GRAMD4: variants seen among roughly 807,000 people sequenced by gnomAD.
The protein encoded by GRAMD4 is GRAM domain containing 4.
GRAMD4 carries 25 observed loss-of-function variants against 83.9 expected under a neutral mutation model. The observed-to-expected ratio is 0.30, with a 90% CI of 0.22 to 0.42. The LOEUF (loss-of-function observed/expected upper bound fraction) is 0.42, where lower values mean the gene tolerates loss of function less well. Ranked by LOEUF, GRAMD4 falls within the 10% of genes least tolerant of loss-of-function variation. GRAMD4 has a pLI of 1.00. For synonymous variants in GRAMD4, 336 were observed against 320.9 expected (o/e 1.05, Z -0.50); for missense variants, 593 against 788.7 (o/e 0.75, Z 2.97).
At chr22:46,580,664 C>T (rs1348273571) in intron 1 of GRAMD4, among the ~76,000 whole-genome samples, 2 of 152,104 alleles carry the variant, frequency 1.3e-5, no homozygotes, top group East Asian at 1.9e-4. Context: ...ACAGAGGTGG[C>T]GCAAGAAAAT....
intron 1 of GRAMD4, among the ~76,000 whole-genome samples, chr22:46,595,248 G>A (rs1047831418): frequency 6.6e-6 from 1 of 152,198 alleles, no homozygotes; most frequent in African/African-American, 2.4e-5. Context: ...GCGACGCAGC[G>A]GGTCTGCACG....
chr22:46,678,108 G>C lies in GRAMD4; in HGVS notation c.*857G>C. On this transcript the variant is annotated 3_prime_UTR_variant, in exon 19 of 19. Transcript: ENST00000406902. ...CTTTGGAAGGCCCAGGAGAACATCC[G>C]CGAAGGCTGTTGGAGGTGCTCCGAG... The C allele has an allele frequency of 1.0e-6, 1 of 985,600 alleles. No homozygotes were observed. The highest frequency in any genetic ancestry group is 1.2e-6 in the Non-Finnish European group (1 of 830,036). The allele number at this position is 985,600 out of a possible 1,614,324, so 61.1% of individuals were successfully genotyped here.
At chr22:46,666,909 G>A (rs372104748) in intron 10 of GRAMD4, 36 bp downstream of exon 10, 4 of 1,472,760 alleles carry the variant, frequency 2.7e-6, no homozygotes, top group Non-Finnish European at 3.7e-6. Context: ...TCCTCCGACT[G>A]TCTCCATCAC....
chr22:46,648,437 A>ATGGATGGATGGATGGATGAG (rs2082103814), intron 3 of GRAMD4, among the ~76,000 whole-genome samples: 2 of 147,340 alleles, frequency 1.4e-5, no homozygotes, highest in Non-Finnish European at 3.0e-5. Flanking sequence ...GGGTGGATGG[A>ATGGATGGATGGATGGATGAG]TGGATGGATG....
rs1157092784 is a variant in GRAMD4, at chr22:46,658,255, C to T, written c.352C>T (p.Arg118Trp). Residue 118 changes from arginine to tryptophan, a missense_variant, in exon 4 of 19, where the codon CGG (arginine) becomes TGG (tryptophan). By Grantham distance (101) the Arg-to-Trp change is moderately radical. This residue lies in a region of GRAMD4 where 312 missense variants were observed against 350.7 expected (regional missense o/e 0.89). Transcript: ENST00000406902. ...EMLRQELDRE[R>W]QRRMELEQKV... The stretch of plus-strand genomic sequence containing the variant: ...GCTGCGGCAGGAGCTGGACCGCGAG[C>T]GGCAGCGGCGGATGGAGCTGGAGCA... The T allele has an allele frequency of 1.9e-6, 3 of 1,613,352 alleles. No individual in the cohort carries two copies. The highest frequency in any genetic ancestry group is 1.7e-5 in the Admixed American group (1 of 60,016).
intron 2 of GRAMD4, among the ~76,000 whole-genome samples, chr22:46,627,765 A>G (rs766529655): frequency 2.0e-5 from 3 of 152,232 alleles, no homozygotes; most frequent in Non-Finnish European, 4.4e-5. Context: ...CTAATGCTTT[A>G]TAACAGGACA....
At chr22:46,668,416 C>A (rs1249961203) in intron 11 of GRAMD4, among the ~76,000 whole-genome samples, 1 of 152,102 alleles carries the variant, frequency 6.6e-6, no homozygotes, top group Admixed American at 6.5e-5. Context: ...GCGGACGGTG[C>A]GCGAGGGTGG....
chr22:46,614,533 G>A (rs138537113), intron 1 of GRAMD4, among the ~76,000 whole-genome samples: 1 of 152,286 alleles, frequency 6.6e-6, no homozygotes, highest in African/African-American at 2.4e-5. Context: ...CCTTTGTTGT[G>A]GTTTGTAAAC....
At chr22:46,587,384 CA>C (rs2147922550) in intron 1 of GRAMD4, among the ~76,000 whole-genome samples, 1 of 152,184 alleles carries the variant, frequency 6.6e-6, no homozygotes, top group Admixed American at 6.5e-5. Flanking sequence ...AAGTCTGTTC[CA>C]AAAGCCCAGC....
rs1454042029 is a variant in GRAMD4 at position 46,659,179 on chromosome 22, C to G, written c.404+872C>G. On this transcript the variant is annotated intron_variant, in intron 4 of 18. Coordinates refer to ENST00000406902, the MANE Select transcript of GRAMD4 (RefSeq NM_015124.5). The surrounding 1 kb of genome is among the most constrained non-coding windows in gnomAD (Gnocchi z 4.1). ...CTCCAGCAACCTCCTGCTTCGGCCTCCCTCTCAGCCTCCACTCCAGCAGCC... is the reference window on the plus strand; with the variant it reads ...CTCCAGCAACCTCCTGCTTCGGCCTGCCTCTCAGCCTCCACTCCAGCAGCC... 6.6e-6 allele frequency among the ~76,000 whole-genome samples: 1 copy of G among 152,132 alleles called. No individual in the cohort carries two copies. Among genetic ancestry groups the G allele is most frequent in the Non-Finnish European group, 1.5e-5 (1 of 68,010 alleles).
At chr22:46,618,214 C>G (rs2081528915), upstream of GRAMD4, among the ~76,000 whole-genome samples, 1 of 152,152 alleles carries the variant, frequency 6.6e-6, no homozygotes, top group Admixed American at 6.5e-5. This position sits in a 1 kb window ranked among gnomAD's most constrained non-coding sequence, Gnocchi z 5.8. Context: ...CTCGAGTCCA[C>G]CTGAGCATCA....
rs116036358 is a variant in GRAMD4 at position 46,668,953 on chromosome 22, C to T, written c.1084+45C>T. The T allele has an allele frequency of 2.9e-3, 3,152 of 1,078,194 alleles. 44 individuals carry two copies. In the African/African-American group the frequency reaches 0.034, roughly 11 times the overall value. 66.8% of individuals were successfully genotyped at this position (1,078,194 alleles called of 1,614,324 possible). A position where few individuals can be genotyped will look rare whatever the true frequency, so the allele number is the denominator to read the frequency against. On this transcript the variant is annotated intron_variant, in intron 13 of 18. Coordinates refer to ENST00000406902, the MANE Select transcript of GRAMD4 (RefSeq NM_015124.5). ...GCCTGTAGCTTCAGGAGGAGGGACA[C>T]AGGTGTCCGCATGCCACCAGTGTCT... is the stretch of plus-strand genomic sequence containing the variant.
chr22:46,629,094 G>A (rs375256563), intron 2 of GRAMD4, among the ~76,000 whole-genome samples: 32 of 152,174 alleles, frequency 2.1e-4, no homozygotes, highest in African/African-American at 6.0e-4. Flanking sequence ...GAGGGGCTGC[G>A]GGGGGAAACC....
Position 46,622,828 on chromosome 22 carries a change from C to T in GRAMD4, c.-50+2263C>T, listed in dbSNP as rs537189674. On this transcript the variant is annotated intron_variant, in intron 1 of 18. Transcript: ENST00000406902. The surrounding 1 kb of genome is among the most constrained non-coding windows in gnomAD (Gnocchi z 4.0). Reference sequence around the variant, plus strand: ...TCGGGAGGCTGAGGCAGGAGAATGGCGTGAACCCAGGAGGCGGATCTTGCA... The same window carrying T: ...TCGGGAGGCTGAGGCAGGAGAATGGTGTGAACCCAGGAGGCGGATCTTGCA... 9.6e-4 allele frequency among the ~76,000 whole-genome samples: 145 copies of T among 150,304 alleles called. No homozygotes were observed. Among genetic ancestry groups the T allele is most frequent in the Middle Eastern group, 6.8e-3 (2 of 292 alleles).
intron 2 of GRAMD4, among the ~76,000 whole-genome samples, chr22:46,633,843 T>G (rs2081816000): frequency 6.6e-6 from 1 of 152,166 alleles, no homozygotes; most frequent in South Asian, 2.1e-4. Flanking sequence ...GGGTGTTTTC[T>G]GTCCTCAGTG....
At chr22:46,580,439 A>C (rs569439924) in intron 1 of GRAMD4, among the ~76,000 whole-genome samples, 1 of 152,344 alleles carries the variant, frequency 6.6e-6, no homozygotes, top group South Asian at 2.1e-4. Context: ...AAGGAGTAAA[A>C]GTTCAAGTCT....
intron 9 of GRAMD4, among the ~76,000 whole-genome samples, chr22:46,666,262 AC>A (rs1422759053): frequency 6.6e-6 from 1 of 152,072 alleles, no homozygotes; most frequent in Non-Finnish European, 1.5e-5. Flanking sequence ...CCTGGGGTGG[AC>A]CCCTAGTCCC....
chr22:46,643,135 G>GTGGATCCATCTATC (rs2082004322), intron 3 of GRAMD4, among the ~76,000 whole-genome samples: 1 of 7,990 alleles, frequency 1.3e-4, no homozygotes, highest in Non-Finnish European at 2.4e-4. Context: ...ATCCATCCAT[G>GTGGATCCATCTATC]CATCCTTCCA....
In GRAMD4 at chr22:46,622,880, C is replaced by A. The variant is rs1162003176; in HGVS notation, c.-50+2315C>A. Among the ~76,000 whole-genome samples the A allele has an allele frequency of 6.7e-6, 1 of 149,170 alleles. No individual in the cohort carries two copies. The highest frequency in any genetic ancestry group is 2.0e-4 in the East Asian group (1 of 5,092). ...TGAGCCGAGATCACGCCACTGCACT[C>A]CAGCCTGGGCGACAGAGCAAGACTC... On this transcript the variant is annotated intron_variant, in intron 1 of 18. Transcript: ENST00000406902. The surrounding 1 kb of genome is among the most constrained non-coding windows in gnomAD (Gnocchi z 4.0).
Sources: gnomAD v4.1 joint callset for allele counts (sites outside exome capture counted in the v4.1 genomes callset) on GRCh38, gnomAD v4.1.1 for gene constraint, gnomAD v4.1.1 regional missense constraint, Gnocchi (gnomAD v3.1) non-coding constraint, MANE v1.5 for transcripts, NCBI Gene and HGNC (gene_info 2026-07-23, HGNC 2026-07-21) for gene names.